The following UCMA variants were observed in gnomAD, a reference collection of about 807,000 sequenced individuals.
UCMA encodes the protein upper zone of growth plate and cartilage matrix-associated protein.
A neutral mutation model predicts 21.8 loss-of-function variants in UCMA; 21 were observed. The observed-to-expected ratio is 0.97, with a 90% CI of 0.68 to 1.39. UCMA has a LOEUF of 1.39. Ranked by LOEUF, UCMA falls within the 40% of genes most tolerant of loss-of-function variation. The pLI is 0.00. For missense variants in UCMA, 193 were observed against 178.9 expected (o/e 1.08, Z -0.45); for synonymous variants, 76 against 67.9 (o/e 1.12, Z -0.58).
intron 3 of UCMA, among the ~76,000 whole-genome samples, chr10:13,232,148 G>C (rs1468165738): frequency 6.6e-6 from 1 of 151,822 alleles, no homozygotes; most frequent in African/African-American, 2.4e-5. Context: ...CCGAGGCAGG[G>C]GGGTCACCTG....
chr10:13,231,446 C>G (rs1834898167), intron 3 of UCMA, among the ~76,000 whole-genome samples: 1 of 152,210 alleles, frequency 6.6e-6, no homozygotes, highest in Admixed American at 6.5e-5. Context: ...ACTGCTGGCT[C>G]AGCTTCCCTC....
In UCMA at chr10:13,222,031, G is replaced by A; in HGVS notation, c.*72C>T. 6.4e-7 allele frequency: 1 copy of A among 1,556,324 alleles called. No homozygotes were observed. Among genetic ancestry groups the A allele is most frequent in the Non-Finnish European group, 8.8e-7 (1 of 1,130,088 alleles). On this transcript the variant is annotated 3_prime_UTR_variant, in exon 5 of 5. Transcript: ENST00000378681. ...CCCTCTGAAGGGCCGGTTTGCATGG[G>A]AAAGATTGCTGGAACACGGGGATGC...
chr10:13,232,875 G>A (rs1374756998), intron 3 of UCMA, among the ~76,000 whole-genome samples: 1 of 151,964 alleles, frequency 6.6e-6, no homozygotes, highest in Non-Finnish European at 1.5e-5. Context: ...TGAAGCCGGG[G>A]CTCCACAGGC....
chr10:13,223,040 C>T (rs1200463970), intron 4 of UCMA, among the ~76,000 whole-genome samples: 1 of 151,812 alleles, frequency 6.6e-6, no homozygotes, highest in African/African-American at 2.4e-5. Context: ...ACTTGGCCAA[C>T]ATGGTGAAAC....
At chr10:13,227,078 G>C (rs1834831753) in intron 4 of UCMA, among the ~76,000 whole-genome samples, 1 of 152,018 alleles carries the variant, frequency 6.6e-6, no homozygotes. Flanking sequence ...GTGCTTCCAA[G>C]CTGTGATGGC....
At chr10:13,226,580 C>A (rs1358722895) in intron 4 of UCMA, among the ~76,000 whole-genome samples, 4 of 152,192 alleles carry the variant, frequency 2.6e-5, no homozygotes, top group African/African-American at 9.7e-5. Context: ...CCACTTTGGC[C>A]TCCCAAAGTG....
chr10:13,232,140 G>A (rs1015112813), intron 3 of UCMA, among the ~76,000 whole-genome samples: 1 of 138,458 alleles, frequency 7.2e-6, no homozygotes, highest in African/African-American at 2.7e-5. Context: ...CTAAGAGGCC[G>A]AGGCAGGGGG....
intron 4 of UCMA, among the ~76,000 whole-genome samples, chr10:13,222,418 G>A (rs187082347): frequency 8.8e-4 from 134 of 152,348 alleles, no homozygotes; most frequent in African/African-American, 2.8e-3. Context: ...TCACAGGCAG[G>A]TGTAGACCAG....
At chr10:13,230,706 C>T (rs935981713) in intron 3 of UCMA, among the ~76,000 whole-genome samples, 10 of 152,198 alleles carry the variant, frequency 6.6e-5, no homozygotes, top group Non-Finnish European at 1.3e-4. Flanking sequence ...ACCCCCAACC[C>T]ACATTACAGA....
chr10:13,232,525 T>C lies in UCMA; in HGVS notation c.220+1013A>G, dbSNP rs147891961. Among the ~76,000 whole-genome samples, 17 of 152,262 alleles carry C rather than the reference T, an allele frequency of 1.1e-4. No individual in the cohort carries two copies. The East Asian group carries it at 3.3e-3, about 29-fold the overall frequency. On this transcript the variant is annotated intron_variant, in intron 3 of 4. Coordinates refer to ENST00000378681, the MANE Select transcript of UCMA (RefSeq NM_145314.3). ...CCCAACCTTTCAGTGCTTCTTGACA[T>C]TGGCCAACTTTTAAATCTCCAGTTG...
intron 4 of UCMA, among the ~76,000 whole-genome samples, chr10:13,225,938 C>A (rs1311514296): frequency 6.6e-6 from 1 of 152,058 alleles, no homozygotes; most frequent in Non-Finnish European, 1.5e-5. Flanking sequence ...ACCTTGTGAC[C>A]CCTGCCTTGA....
chr10:13,231,774 T>A (rs956650919), intron 3 of UCMA, among the ~76,000 whole-genome samples: 2 of 152,222 alleles, frequency 1.3e-5, no homozygotes, highest in Non-Finnish European at 2.9e-5. Context: ...CACTCTCTTT[T>A]CACCCTAAAG....
intron 4 of UCMA, among the ~76,000 whole-genome samples, chr10:13,224,346 G>A (rs1309718696): frequency 2.0e-5 from 3 of 149,242 alleles, no homozygotes; most frequent in Non-Finnish European, 3.0e-5. Context: ...AAAGGAAGCG[G>A]TGGGGAGGGA....
At chr10:13,222,275 C>G in intron 4 of UCMA, 75 bp from the exon 5 acceptor site, 1 of 1,403,632 alleles carries the variant, frequency 7.1e-7, no homozygotes, top group South Asian at 1.2e-5. Context: ...AGCCATCAGC[C>G]GAACCCCTGC....
intron 4 of UCMA, among the ~76,000 whole-genome samples, chr10:13,229,232 G>A (rs115454351): frequency 0.014 from 2,163 of 152,170 alleles, 46 homozygotes; most frequent in African/African-American, 0.05. Flanking sequence ...GACTGCGCCC[G>A]GCCCTCCCTT....
chr10:13,223,628 A>G (rs552894350), intron 4 of UCMA, among the ~76,000 whole-genome samples: 43 of 152,170 alleles, frequency 2.8e-4, no homozygotes, highest in Middle Eastern at 3.4e-3. Context: ...ATCTCGGCTC[A>G]CTGTAACCTC....
intron 4 of UCMA, among the ~76,000 whole-genome samples, chr10:13,222,891 A>C (rs1834776324): frequency 6.6e-6 from 1 of 151,132 alleles, no homozygotes. Flanking sequence ...CTGGTCTCCA[A>C]CTCCCAGTCT....
chr10:13,232,210 C>A (rs1052924545), intron 3 of UCMA, among the ~76,000 whole-genome samples: 1 of 151,734 alleles, frequency 6.6e-6, no homozygotes, highest in African/African-American at 2.4e-5. Flanking sequence ...TCTGTCTCTA[C>A]AAAAATACAA....
chr10:13,229,272 A>G (rs1277634766), intron 4 of UCMA, among the ~76,000 whole-genome samples: 2 of 152,066 alleles, frequency 1.3e-5, no homozygotes, highest in African/African-American at 4.8e-5. Context: ...ATATGAATTG[A>G]AAGTAGACCT....
Sources: gnomAD v4.1 joint callset for allele counts (sites outside exome capture counted in the v4.1 genomes callset) on GRCh38, gnomAD v4.1.1 for gene constraint, MANE v1.5 for transcripts, NCBI Gene and HGNC (gene_info 2026-07-23, HGNC 2026-07-21) for gene names.